PROM1: variants seen among roughly 807,000 people sequenced by gnomAD.
PROM1 encodes prominin 1, also known as prominin-1.
A neutral mutation model predicts 116.9 loss-of-function variants in PROM1; 105 were observed. That is an observed-to-expected ratio of 0.90 (90% CI 0.77 to 1.06). The LOEUF (loss-of-function observed/expected upper bound fraction) is 1.06. Among genes scored for constraint, PROM1 ranks in the 50% least tolerant of loss-of-function variants. The probability of loss-of-function intolerance (pLI) is 0.00; values close to 1 mark genes in which losing one functional copy is unlikely to be tolerated. For missense variants in PROM1, 1,122 were observed against 1,045.2 expected (o/e 1.07, Z -1.01); for synonymous variants, 393 against 387.0 (o/e 1.02, Z -0.18).
Position 16,075,698 on chromosome 4 carries a change from T to A in PROM1, c.209A>T (p.Asp70Val), listed in dbSNP as rs368611935. The A allele has an allele frequency of 2.5e-6, 4 of 1,612,038 alleles. No homozygotes were observed. Among genetic ancestry groups the A allele is most frequent in the Middle Eastern group, 1.7e-4 (1 of 6,060 alleles). The change falls in exon 2 of 28, where the codon GAT (aspartate) becomes GTT (valine). Residue 70 changes from aspartate (D) to valine (V), a missense_variant. Transcript: ENST00000447510. ...HIFLYVVQPRDFPEDTLRKFL... is the reference protein window; with the variant it reads ...HIFLYVVQPRVFPEDTLRKFL... ...CCATCAGCACTTACCTTCTGGGAAA[T>A]CACGCGGCTGTACCACATAGAGAAA...
chr4:15,974,592 G>A (rs899914837), intron 26 of PROM1, among the ~76,000 whole-genome samples: 1 of 152,106 alleles, frequency 6.6e-6, no homozygotes, highest in African/African-American at 2.4e-5. Context: ...AAGTACTAGT[G>A]TCCTGGTTTG....
chr4:16,026,607 A>AT (rs1484417469), intron 5 of PROM1, among the ~76,000 whole-genome samples: 2 of 152,180 alleles, frequency 1.3e-5, no homozygotes, highest in African/African-American at 4.8e-5. Context: ...TAAACATCCC[A>AT]TTTTTTGTAC....
At chr4:16,042,837 T>A (rs1033773414) in intron 2 of PROM1, among the ~76,000 whole-genome samples, 2 of 152,132 alleles carry the variant, frequency 1.3e-5, no homozygotes, top group African/African-American at 4.8e-5. Context: ...ACCCTATACA[T>A]CAACGGAGCT....
At chr4:15,983,831 G>C (rs16892726) in intron 23 of PROM1, among the ~76,000 whole-genome samples, 6,165 of 152,228 alleles carry the variant, frequency 0.04, 439 homozygotes, top group African/African-American at 0.14. Flanking sequence ...TGTTGAGGAG[G>C]GAACAGAGCT....
intron 26 of PROM1, among the ~76,000 whole-genome samples, chr4:15,978,083 T>G (rs926864871): frequency 6.6e-6 from 1 of 152,160 alleles, no homozygotes; most frequent in Non-Finnish European, 1.5e-5. Context: ...CTTTCCACCA[T>G]GTGAGGATTT....
Position 16,000,533 on chromosome 4 carries a change from A to G in PROM1, c.1541T>C (p.Leu514Pro), listed in dbSNP as rs1241309937. 6.3e-7 allele frequency: 1 copy of G among 1,594,962 alleles called. No homozygotes were observed. The highest frequency in any genetic ancestry group is 1.7e-5 in the Admixed American group (1 of 59,920). ...CTTGCTCGTGTAAGGTTCACAGATCAGTTTTTCCACATTTGCACCAAAGAC... is the reference window on the plus strand; with the variant it reads ...CTTGCTCGTGTAAGGTTCACAGATCGGTTTTTCCACATTTGCACCAAAGAC... ...TFVFGANVEK[L>P]ICEPYTSKEL... The change falls in exon 14 of 28, where the codon CTG becomes CCG. Residue 514 changes from leucine to proline, a missense_variant. Leu to Pro is a moderately conservative substitution (Grantham distance 98). Coordinates refer to ENST00000447510, the MANE Select transcript of PROM1 (RefSeq NM_006017.3).
intron 5 of PROM1, among the ~76,000 whole-genome samples, chr4:16,025,586 C>T (rs1014517611): frequency 2.0e-5 from 3 of 152,184 alleles, no homozygotes; most frequent in African/African-American, 7.2e-5. Flanking sequence ...ATGTTCACAA[C>T]AAATTGTGGA....
intron 25 of PROM1, 42 bp downstream of exon 25, chr4:15,979,839 C>T (rs2149034966): frequency 4.2e-6 from 6 of 1,423,666 alleles, no homozygotes; most frequent in South Asian, 1.3e-5. Context: ...TATCAACCTC[C>T]CCCATCCCAT....
chr4:16,033,919 A>ATG (rs1491047859), intron 4 of PROM1, among the ~76,000 whole-genome samples: 1 of 148,608 alleles, frequency 6.7e-6, no homozygotes, highest in African/African-American at 2.5e-5. Context: ...ATATATATAT[A>ATG]TGTATGTATT....
At chr4:16,045,477 T>C (rs1736331675) in intron 2 of PROM1, among the ~76,000 whole-genome samples, 1 of 152,128 alleles carries the variant, frequency 6.6e-6, no homozygotes. Context: ...AAACATTTTG[T>C]ACTGAGATTT....
At chr4:16,023,489 C>T in intron 7 of PROM1, 74 bp from the exon 8 acceptor site, 5 of 1,229,730 alleles carry the variant, frequency 4.1e-6, no homozygotes, top group East Asian at 5.1e-5. Context: ...ATTCTCTCCA[C>T]ACTGCCTCAA....
At chr4:15,980,022 G>A in intron 24 of PROM1, 118 bp from the exon 25 acceptor site, 1 of 663,750 alleles carries the variant, frequency 1.5e-6, no homozygotes, top group Non-Finnish European at 2.6e-6. Context: ...ACTCAGGAAA[G>A]ACCCATGTTG....
At chr4:16,029,530 A>G (rs1373527101) in intron 5 of PROM1, among the ~76,000 whole-genome samples, 2 of 152,186 alleles carry the variant, frequency 1.3e-5, no homozygotes, top group East Asian at 1.9e-4. Flanking sequence ...CTGCATAAAC[A>G]TATGTCAGTG....
chr4:16,006,651 G>T lies in PROM1; in HGVS notation c.1341C>A (p.Leu447=). Residue 447 remains leucine (L), a synonymous_variant, in exon 13 of 28, where the codon CTC becomes CTA. Coordinates refer to ENST00000447510, the MANE Select transcript of PROM1 (RefSeq NM_006017.3). ...GGLVICSLLT[L]IVIFYYLGLL... ...AGCCCAGGTAGTAAAAAATCACGAT[G>T]AGGGTCAGCAGAGAGCAGATGACCA... is the stretch of plus-strand genomic sequence containing the variant. 2 of 1,613,044 alleles carry T rather than the reference G, an allele frequency of 1.2e-6. No individual in the cohort carries two copies. The highest frequency in any genetic ancestry group is 1.7e-6 in the Non-Finnish European group (2 of 1,179,596).
At chr4:16,008,882 T>G in intron 12 of PROM1, 67 bp downstream of exon 12, 1 of 1,423,138 alleles carries the variant, frequency 7.0e-7, no homozygotes, top group Non-Finnish European at 9.6e-7. Flanking sequence ...GGTGCTAATG[T>G]CAGATTTTTA....
chr4:16,029,111 A>G (rs183965089), intron 5 of PROM1, among the ~76,000 whole-genome samples: 1 of 152,354 alleles, frequency 6.6e-6, no homozygotes, highest in East Asian at 1.9e-4. Context: ...TTAAACTGTA[A>G]GTAACCAGAC....
At chr4:16,054,783 C>T (rs992711268) in intron 2 of PROM1, among the ~76,000 whole-genome samples, 1 of 152,092 alleles carries the variant, frequency 6.6e-6, no homozygotes, top group Non-Finnish European at 1.5e-5. Context: ...TGTTCATGCC[C>T]CCTCTGAGGT....
At chr4:16,053,526 T>C (rs1305817323) in intron 2 of PROM1, among the ~76,000 whole-genome samples, 1 of 152,224 alleles carries the variant, frequency 6.6e-6, no homozygotes, top group African/African-American at 2.4e-5. Context: ...TTAATGATGA[T>C]ACTTAAGAGT....
chr4:16,038,907 T>G, intron 3 of PROM1, 39 bp downstream of exon 3: 1 of 1,445,474 alleles, frequency 6.9e-7, no homozygotes, highest in Non-Finnish European at 9.1e-7. Context: ...TTTCTCATAC[T>G]TCGTATTTTT....
Sources: gnomAD v4.1 joint callset for allele counts (sites outside exome capture counted in the v4.1 genomes callset) on GRCh38, gnomAD v4.1.1 for gene constraint, MANE v1.5 for transcripts, NCBI Gene and HGNC (gene_info 2026-07-23, HGNC 2026-07-21) for gene names.